The following UBE4A variants were observed in gnomAD, a reference collection of about 807,000 sequenced individuals.
UBE4A encodes the protein ubiquitin conjugation factor E4 A.
UBE4A carries 48 observed loss-of-function variants against 117.9 expected under a neutral mutation model. The ratio of observed to expected loss-of-function variants is 0.41; its 90% confidence interval spans 0.32 to 0.52. The LOEUF is 0.52. Ranked by LOEUF, UBE4A falls within the 20% of genes least tolerant of loss-of-function variation. The probability of loss-of-function intolerance (pLI) is 0.33; values close to 1 mark genes in which losing one functional copy is unlikely to be tolerated. For synonymous variants in UBE4A, 407 were observed against 450.0 expected, an observed-to-expected ratio of 0.90 and a Z score of 1.21; for missense variants, 1,067 against 1,296.3, an observed-to-expected ratio of 0.82 and a Z score of 2.72.
Position 118,379,651 on chromosome 11 carries a change from G to A in UBE4A, c.1777G>A (p.Val593Ile). ...NCLNLQVSMA[V>I]LLVQLAIGNE... ...CCTAAACTTGCAGGTGTCCATGGCTGTTCTACTGGTTCAACTGGCCATAGG... is the reference window on the plus strand; with the variant it reads ...CCTAAACTTGCAGGTGTCCATGGCTATTCTACTGGTTCAACTGGCCATAGG... The change falls in exon 11 of 20, where the codon GTT (valine) becomes ATT (isoleucine). Residue 593 changes from valine (V) to isoleucine (I), a missense_variant. Physicochemically the swap from Val to Ile is conservative, Grantham distance 29. Coordinates refer to ENST00000252108, the MANE Select transcript of UBE4A (RefSeq NM_001204077.2). 6.2e-7 allele frequency: 1 copy of A among 1,614,202 alleles called. No individual in the cohort carries two copies. Among genetic ancestry groups the A allele is most frequent in the African/African-American group, 1.3e-5 (1 of 75,042 alleles).
intron 16 of UBE4A, 132 bp from the exon 17 acceptor site, chr11:118,389,593 A>T (rs1386643728): frequency 4.2e-5 from 38 of 908,906 alleles, no homozygotes; most frequent in Non-Finnish European, 5.2e-5. Context: ...TTAGTTTTTT[A>T]AAAAAGTAGT....
chr11:118,377,549 C>T (rs1411161224), intron 10 of UBE4A, among the ~76,000 whole-genome samples: 1 of 151,882 alleles, frequency 6.6e-6, no homozygotes, highest in African/African-American at 2.4e-5. Flanking sequence ...AAAATTAAAT[C>T]ACTGTCTTCC....
intron 2 of UBE4A, among the ~76,000 whole-genome samples, chr11:118,365,827 G>GA (rs957467452): frequency 1.3e-5 from 2 of 151,964 alleles, no homozygotes; most frequent in African/African-American, 2.4e-5. Context: ...TCAGTAATCA[G>GA]AAAAAATGGT....
chr11:118,393,849 GCCT>G (rs1294756756), intron 19 of UBE4A, among the ~76,000 whole-genome samples: 2 of 152,146 alleles, frequency 1.3e-5, no homozygotes, highest in African/African-American at 4.8e-5. Context: ...TCCCACCTCA[GCCT>G]CCCAAAGTGC....
chr11:118,369,221 C>G (rs1395006249), intron 3 of UBE4A, among the ~76,000 whole-genome samples: 1 of 151,974 alleles, frequency 6.6e-6, no homozygotes, highest in Non-Finnish European at 1.5e-5. Flanking sequence ...TGTCATGATG[C>G]TAGGTTTATA....
rs777255001 is a variant in UBE4A, at chr11:118,365,090, C to A, written c.10C>A (p.Gln4Lys). MTDQENNNNISSNP... is the reference protein window; with the variant it reads MTDKENNNNISSNP... ...GATACCTTAAAGTGAAATGACAGAC[C>A]AGGAGAATAACAACAACATCTCAAG... Residue 4 changes from glutamine to lysine, a missense_variant, in exon 2 of 20, where the codon CAG becomes AAG. Gln to Lys is a moderately conservative substitution (Grantham distance 53). Coordinates refer to ENST00000252108, the MANE Select transcript of UBE4A (RefSeq NM_001204077.2). 16 of 1,613,618 alleles carry A rather than the reference C, an allele frequency of 9.9e-6. No individual in the cohort carries two copies. Among genetic ancestry groups the A allele is most frequent in the East Asian group, 6.7e-5 (3 of 44,850 alleles).
At chr11:118,368,508 T>G in intron 2 of UBE4A, 123 bp from the exon 3 acceptor site, 1 of 1,116,738 alleles carries the variant, frequency 9.0e-7, no homozygotes, top group Non-Finnish European at 1.3e-6. Flanking sequence ...GTTCACTAAT[T>G]AGATGATTAG....
At chr11:118,395,718 T>C (rs1265506135) in intron 19 of UBE4A, among the ~76,000 whole-genome samples, 1 of 152,216 alleles carries the variant, frequency 6.6e-6, no homozygotes, top group Non-Finnish European at 1.5e-5. Context: ...GACAGAAGCA[T>C]AGCATTTTTT....
chr11:118,378,285 TTC>T (rs1174253884), intron 10 of UBE4A, among the ~76,000 whole-genome samples: 20 of 151,220 alleles, frequency 1.3e-4, no homozygotes, highest in African/African-American at 4.6e-4. Context: ...AAAGACCAAG[TTC>T]TACTCTACAG....
At chr11:118,392,104 A>G (rs1948824688) in intron 18 of UBE4A, among the ~76,000 whole-genome samples, 1 of 152,232 alleles carries the variant, frequency 6.6e-6, no homozygotes, top group African/African-American at 2.4e-5. Context: ...ACAGAGCTCT[A>G]TTAGCAGGTA....
Position 118,397,973 on chromosome 11 carries a change from T to C in UBE4A, c.*1533T>C, listed in dbSNP as rs782066286. On this transcript the variant is annotated 3_prime_UTR_variant, in exon 20 of 20. Transcript: ENST00000252108. ...GAGGACACTTTTGCAAATGCCAGAA[T>C]GTAAGATTCATTCAGTGTGCTCCCT... 2 of 152,578 alleles carry C rather than the reference T, an allele frequency of 1.3e-5. No individual in the cohort carries two copies. Among genetic ancestry groups the C allele is most frequent in the East Asian group, 3.8e-4 (2 of 5,198 alleles). 9.5% of individuals were successfully genotyped at this position (152,578 alleles called of 1,614,324 possible).
At position 118,391,532 on chromosome 11, in the gene UBE4A, C is replaced by T. The variant is rs183734700; in HGVS notation, c.2916+728C>T. 1.2e-3 allele frequency among the ~76,000 whole-genome samples: 181 copies of T among 149,500 alleles called. 1 individual carries two copies. Among genetic ancestry groups the T allele is most frequent in the Non-Finnish European group, 2.2e-3 (146 of 67,620 alleles). ...TTTAAGGGCCAGGCGCGGTGGCTCACGCCTGTAATCCTAGCACTTTGGGAG... is the reference window on the plus strand; with the variant it reads ...TTTAAGGGCCAGGCGCGGTGGCTCATGCCTGTAATCCTAGCACTTTGGGAG... On this transcript the variant is annotated intron_variant, in intron 18 of 19. Transcript: ENST00000252108.
At position 118,373,722 on chromosome 11, in the gene UBE4A, C is replaced by T. The variant is rs764510243; in HGVS notation, c.1116+37C>T. The T allele has an allele frequency of 3.2e-6, 5 of 1,578,618 alleles. No homozygotes were observed. The South Asian group carries it at 5.9e-5, about 19-fold the overall frequency. ...TACCAGGGTATCCCAGCCCCCTGAT[C>T]TTAAAAGAGTTTTCTCAGAAAGCAG... On this transcript the variant is annotated intron_variant, in intron 8 of 19. Coordinates refer to ENST00000252108, the MANE Select transcript of UBE4A (RefSeq NM_001204077.2).
chr11:118,369,601 A>G (rs1426551615), intron 4 of UBE4A, 66 bp downstream of exon 4: 6 of 1,189,670 alleles, frequency 5.0e-6, no homozygotes, highest in Admixed American at 1.8e-5. Flanking sequence ...AATTCTGCTC[A>G]CTGTTCTCCA....
intron 18 of UBE4A, 113 bp downstream of exon 18, chr11:118,390,917 A>G (rs944077641): frequency 2.2e-6 from 3 of 1,371,136 alleles, no homozygotes; most frequent in South Asian, 1.3e-5. Context: ...CTAGAGGATC[A>G]CTTAAGCCCA....
chr11:118,364,997 G>A, intron 1 of UBE4A, 43 bp from the exon 2 acceptor site: 2 of 1,446,844 alleles, frequency 1.4e-6, no homozygotes, highest in Non-Finnish European at 1.8e-6. Context: ...TACAGCTATT[G>A]TGTCATCTGC....
chr11:118,379,620 A>G lies in UBE4A; in HGVS notation c.1746A>G (p.Gln582=), dbSNP rs199679806. 817 of 1,614,214 alleles carry G rather than the reference A, an allele frequency of 5.1e-4. 10 individuals carry two copies. The South Asian group carries it at 8.4e-3, about 17-fold the overall frequency. ...CCATGACAGAGCCACAAATGCTACA[A>G]AACTGCCTAAACTTGCAGGTGTCCA... ...KTAMTEPQML[Q]NCLNLQVSMA... is the part of the protein sequence containing the mutation. The change falls in exon 11 of 20, where the codon CAA becomes CAG. Residue 582 remains glutamine (Q), a synonymous_variant. Coordinates refer to ENST00000252108, the MANE Select transcript of UBE4A (RefSeq NM_001204077.2).
intron 7 of UBE4A, 88 bp from the exon 8 acceptor site, chr11:118,373,406 G>C: frequency 1.3e-6 from 2 of 1,523,510 alleles, no homozygotes; most frequent in South Asian, 2.5e-5. Context: ...CTTGGTTGTT[G>C]TATCAACTTA....
At chr11:118,375,588 T>C (rs1555125264) in intron 9 of UBE4A, among the ~76,000 whole-genome samples, 1 of 152,104 alleles carries the variant, frequency 6.6e-6, no homozygotes, top group East Asian at 1.9e-4. Context: ...CTCGATCTCT[T>C]GACCTCATGA....
Sources: gnomAD v4.1 joint callset for allele counts (sites outside exome capture counted in the v4.1 genomes callset) on GRCh38, gnomAD v4.1.1 for gene constraint, MANE v1.5 for transcripts, NCBI Gene and HGNC (gene_info 2026-07-23, HGNC 2026-07-21) for gene names.